MYBPC3: variants seen among roughly 807,000 people sequenced by gnomAD.
MYBPC3 encodes myosin-binding protein C, cardiac-type.
In MYBPC3, 108 loss-of-function variants were observed where a neutral mutation model predicts 159.3. That is an observed-to-expected ratio of 0.68 (90% confidence interval 0.58 to 0.80). The LOEUF (loss-of-function observed/expected upper bound fraction) is 0.80, where lower values mean the gene tolerates loss of function less well. Among genes scored for constraint, MYBPC3 ranks in the 30% least tolerant of loss-of-function variants. The probability of loss-of-function intolerance (pLI) is 0.00; values close to 1 mark genes in which losing one functional copy is unlikely to be tolerated. For missense variants in MYBPC3, 1,631 were observed against 1,762.1 expected (o/e 0.93, Z 1.33); for synonymous variants, 730 against 702.0 (o/e 1.04, Z -0.63).
intron 20 of MYBPC3, 76 bp downstream of exon 20, chr11:47,340,927 T>G: frequency 2.1e-6 from 3 of 1,408,794 alleles, no homozygotes; most frequent in Non-Finnish European, 2.8e-6. Context: ...CTTCCCTCTG[T>G]GAGTGGAGGG....
rs373248202 is a variant in MYBPC3 at position 47,334,019 on chromosome 11, A to G, written c.2906-9T>C. 15 of 1,569,472 alleles carry G rather than the reference A, an allele frequency of 9.6e-6. No individual in the cohort carries two copies. Among genetic ancestry groups the G allele is most frequent in the African/African-American group, 6.8e-5 (5 of 73,918 alleles). On this transcript the variant is annotated splice_polypyrimidine_tract_variant and intron_variant, in intron 27 of 34. Coordinates refer to ENST00000545968, the MANE Select transcript of MYBPC3 (RefSeq NM_000256.3). ...CTGAAGCCGTGGCCGTTCTGTGGGT[A>G]TAGAGTGGGTAGCTAAGTGAGGGCC...
In MYBPC3 at chr11:47,343,211, A is replaced by G. The variant is rs896818; in HGVS notation, c.1226+49T>C. ...CACCCCTCCGGGCCCAGTGCGCCCCATGATAATCCCTGTGCCCCCCACCCC... is the reference window on the plus strand; with the variant it reads ...CACCCCTCCGGGCCCAGTGCGCCCCGTGATAATCCCTGTGCCCCCCACCCC... On this transcript the variant is annotated intron_variant, in intron 14 of 34. Coordinates refer to ENST00000545968, the MANE Select transcript of MYBPC3 (RefSeq NM_000256.3). 1,573,483 of 1,583,466 alleles carry G rather than the reference A, an allele frequency of 0.99. 782,195 individuals carry two copies. The highest frequency in any genetic ancestry group is 1 in the East Asian group (44,447 of 44,448).
At chr11:47,350,369 C>T in intron 3 of MYBPC3, 133 bp downstream of exon 3, 1 of 1,433,272 alleles carries the variant, frequency 7.0e-7, no homozygotes, top group South Asian at 1.3e-5. Context: ...TCATGATCCG[C>T]CCACCTCGGC....
At chr11:47,333,414 C>T in intron 29 of MYBPC3, 81 bp from the exon 30 acceptor site, 1 of 1,497,538 alleles carries the variant, frequency 6.7e-7, no homozygotes, top group Admixed American at 2.1e-5. Context: ...CCACCCCACC[C>T]CTGCCAACCA....
chr11:47,351,667 G>C lies in MYBPC3; in HGVS notation c.26-162C>G, dbSNP rs1293512969. Among the ~76,000 whole-genome samples, 1 of 152,222 alleles carries C rather than the reference G, an allele frequency of 6.6e-6. No homozygotes were observed. The highest frequency in any genetic ancestry group is 1.9e-4 in the East Asian group (1 of 5,204). On this transcript the variant is annotated intron_variant, in intron 1 of 34. Transcript: ENST00000545968. The surrounding 1 kb of genome is among the most constrained non-coding windows in gnomAD (Gnocchi z 4.2). ...TTGCAGTTATTCTGTTCATTTCTCAGAGGAGGACACTGAGGCTCAGAGAAG... is the reference window on the plus strand; with the variant it reads ...TTGCAGTTATTCTGTTCATTTCTCACAGGAGGACACTGAGGCTCAGAGAAG...
In MYBPC3 at chr11:47,349,756, C is replaced by T. The variant is rs758836172; in HGVS notation, c.654+18G>A. 5.1e-5 allele frequency: 82 copies of T among 1,599,258 alleles called. No individual in the cohort carries two copies. The highest frequency in any genetic ancestry group is 6.8e-5 in the Non-Finnish European group (80 of 1,178,830). The stretch of plus-strand genomic sequence containing the variant: ...CATGTCCCCTCTCTCCGTGTCTCCA[C>T]GACCCCGGTGGACCCACCTTGCTGG... On this transcript the variant is annotated intron_variant, in intron 5 of 34. Transcript: ENST00000545968.
At chr11:47,340,276 T>C (rs2095887182) in intron 20 of MYBPC3, among the ~76,000 whole-genome samples, 1 of 151,040 alleles carries the variant, frequency 6.6e-6, no homozygotes, top group Non-Finnish European at 1.5e-5. Context: ...CACAGACACA[T>C]GCACACACAC....
chr11:47,333,554 C>T lies in MYBPC3; in HGVS notation c.3190+3G>A, dbSNP rs536826395. 2.5e-6 allele frequency: 4 copies of T among 1,599,926 alleles called. No individual in the cohort carries two copies. The African/African-American group carries it at 4.0e-5, about 16-fold the overall frequency. Reference sequence around the variant, plus strand: ...GGGGCTCAAGGAGGCCTTGGCCACGCACCAACAACCTGCAGCACCAGCGTG... The same window carrying T: ...GGGGCTCAAGGAGGCCTTGGCCACGTACCAACAACCTGCAGCACCAGCGTG... On this transcript the variant is annotated splice_donor_region_variant and intron_variant, in intron 29 of 34. Transcript: ENST00000545968.
chr11:47,347,731 C>G, intron 7 of MYBPC3, 51 bp from the exon 8 acceptor site: 1 of 1,552,588 alleles, frequency 6.4e-7, no homozygotes, highest in Non-Finnish European at 8.7e-7. Flanking sequence ...CTTGCTCTCC[C>G]CTGCAGCCCC....
In MYBPC3 at chr11:47,335,045, G is replaced by A. The variant is rs1320138052; in HGVS notation, c.2902C>T (p.Leu968=). 1 of 1,540,590 alleles carries A rather than the reference G, an allele frequency of 6.5e-7. No homozygotes were observed. Among genetic ancestry groups the A allele is most frequent in the Admixed American group, 1.9e-5 (1 of 53,978 alleles). Residue 968 remains leucine (L), a synonymous_variant, in exon 27 of 35, where the codon CTG becomes TTG. Transcript: ENST00000545968. ...GACTGCACAAAGGGGCACTCACGCA[G>A]GATCTCCTGCACTGTCACCGGCTCC... ...TTEPVTVQEI[L]QRPRLQLPRH...
At chr11:47,344,261 C>CAGCAACCCCTGAGT (rs2095892110) in intron 12 of MYBPC3, among the ~76,000 whole-genome samples, 1 of 152,238 alleles carries the variant, frequency 6.6e-6, no homozygotes, top group Non-Finnish European at 1.5e-5. Flanking sequence ...TCTCTTCTCT[C>CAGCAACCCCTGAGT]AGCAACCCCT....
intron 12 of MYBPC3, among the ~76,000 whole-genome samples, chr11:47,345,294 G>GGTGCC (rs1436909371): frequency 6.6e-6 from 1 of 152,216 alleles, no homozygotes; most frequent in Non-Finnish European, 1.5e-5. Context: ...ATGGGGCCAC[G>GGTGCC]GTGCCGGTAA....
intron 6 of MYBPC3, 97 bp from the exon 7 acceptor site, chr11:47,348,002 G>T: frequency 1.7e-6 from 2 of 1,186,238 alleles, no homozygotes; most frequent in Non-Finnish European, 2.4e-6. Context: ...TCACAGACTT[G>T]CCCATTCATG....
In MYBPC3 at chr11:47,351,129, A is replaced by G; in HGVS notation, c.292+110T>C. ...TCCTGGCGGGGGGCACAGCCACAGC[A>G]AAGGCAAGAAAGTGTGAAAGCACCT... On this transcript the variant is annotated intron_variant, in intron 2 of 34. Coordinates refer to ENST00000545968, the MANE Select transcript of MYBPC3 (RefSeq NM_000256.3). This position sits in a 1 kb window ranked among gnomAD's most constrained non-coding sequence, Gnocchi z 4.2. The G allele has an allele frequency of 7.4e-7, 1 of 1,353,320 alleles. No homozygotes were observed. The highest frequency in any genetic ancestry group is 9.7e-7 in the Non-Finnish European group (1 of 1,028,956). The allele number at this position is 1,353,320 out of a possible 1,614,324, so 83.8% of individuals were successfully genotyped here. A position where few individuals can be genotyped will look rare whatever the true frequency, so the allele number is the denominator to read the frequency against.
At chr11:47,347,344 G>T in intron 9 of MYBPC3, 82 bp downstream of exon 9, 4 of 1,550,266 alleles carry the variant, frequency 2.6e-6, no homozygotes, top group African/African-American at 1.4e-5. Flanking sequence ...TGTGCTCAGG[G>T]TCACACAGCT....
chr11:47,346,174 G>A lies in MYBPC3; in HGVS notation c.1090+33C>T. 6.2e-7 allele frequency: 1 copy of A among 1,612,356 alleles called. No homozygotes were observed. The highest frequency in any genetic ancestry group is 8.5e-7 in the Non-Finnish European group (1 of 1,179,422). On this transcript the variant is annotated intron_variant, in intron 12 of 34. Transcript: ENST00000545968. This position sits in a 1 kb window ranked among gnomAD's most constrained non-coding sequence, Gnocchi z 5.3. ...CCTGTGTAGGGAAGGGCTAGCCTGT[G>A]CCCTCTCCTCTCCCCTCTGAGGAAG...
chr11:47,348,782 C>T (rs1262809975), intron 5 of MYBPC3, among the ~76,000 whole-genome samples: 2 of 150,754 alleles, frequency 1.3e-5, no homozygotes, highest in Non-Finnish European at 3.0e-5. Flanking sequence ...GTGCACACCT[C>T]TAGTTTCAGC....
chr11:47,351,482 G>C lies in MYBPC3; in HGVS notation c.49C>G (p.Arg17Gly). Residue 17 changes from arginine (R) to glycine (G), a missense_variant, in exon 2 of 35, where the codon CGG becomes GGG. Coordinates refer to ENST00000545968, the MANE Select transcript of MYBPC3 (RefSeq NM_000256.3). The surrounding 1 kb of genome is among the most constrained non-coding windows in gnomAD (Gnocchi z 4.2). ...KPVSAFSKKP[R>G]SVEVAAGSPA... is the part of the protein sequence containing the mutation. ...CTGCCTGCGGCCACTTCCACTGACCGTGGCTTCTTGCTAAAAGCTGAGACT... is the reference window on the plus strand; with the variant it reads ...CTGCCTGCGGCCACTTCCACTGACCCTGGCTTCTTGCTAAAAGCTGAGACT... The C allele has an allele frequency of 6.3e-7, 1 of 1,590,040 alleles. No individual in the cohort carries two copies. The highest frequency in any genetic ancestry group is 8.6e-7 in the Non-Finnish European group (1 of 1,162,992).
intron 7 of MYBPC3, 49 bp downstream of exon 7, chr11:47,347,808 C>G (rs2095895884): frequency 1.3e-6 from 2 of 1,551,124 alleles, no homozygotes; most frequent in Admixed American, 2.0e-5. Flanking sequence ...CCTGAAGGGC[C>G]TCAGACTCCA....
Sources: gnomAD v4.1 joint callset for allele counts (sites outside exome capture counted in the v4.1 genomes callset) on GRCh38, gnomAD v4.1.1 for gene constraint, Gnocchi (gnomAD v3.1) non-coding constraint, MANE v1.5 for transcripts, NCBI Gene and HGNC (gene_info 2026-07-23, HGNC 2026-07-21) for gene names.